The following CR1 variants were observed in gnomAD, a reference collection of about 807,000 sequenced individuals.
The protein encoded by CR1 is complement receptor type 1.
Under a neutral mutation model 187.3 loss-of-function variants are expected in CR1, and 116 were observed. The observed-to-expected ratio is 0.62, with a 90% CI of 0.53 to 0.72. CR1 has a LOEUF of 0.72. CR1 is among the 30% of genes least tolerant of loss of function. The pLI, the probability that CR1 is intolerant of heterozygous loss-of-function variation, is 0.00. For missense variants in CR1, 1,731 were observed against 2,110.7 expected, an observed-to-expected ratio of 0.82 and a Z score of 3.52; for synonymous variants, 576 against 747.1, an observed-to-expected ratio of 0.77 and a Z score of 3.73.
intron 45 of CR1, among the ~76,000 whole-genome samples, chr1:207,628,002 C>A (rs1046641856): frequency 9.2e-5 from 14 of 152,112 alleles, no homozygotes; most frequent in Non-Finnish European, 1.5e-4. Flanking sequence ...AAAGGTCTCA[C>A]CTTTGAGATC....
At chr1:207,575,781 C>G in intron 28 of CR1, 101 bp downstream of exon 28, 1 of 1,558,924 alleles carries the variant, frequency 6.4e-7, no homozygotes, top group African/African-American at 1.4e-5. Context: ...GAAATGGTAT[C>G]CTTCTGATAT....
In CR1 at chr1:207,609,424, G is replaced by A. The variant is rs41274768; in HGVS notation, c.6031G>A (p.Val2011Met). The A allele has an allele frequency of 0.026, 41,527 of 1,613,970 alleles. 726 individuals carry two copies. Among genetic ancestry groups the A allele is most frequent in the Admixed American group, 0.042 (2,512 of 60,006 alleles). ...AGATGGAGAACAGCTGTTTGAGCTTGTGGGAGAACGGTCAATATATTGCAC... is the reference window on the plus strand; with the variant it reads ...AGATGGAGAACAGCTGTTTGAGCTTATGGGAGAACGGTCAATATATTGCAC... ...GPDGEQLFEL[V>M]GERSIYCTSK... Residue 2011 changes from valine to methionine, a missense_variant, in exon 37 of 47, where the codon GTG (valine) becomes ATG (methionine). Val to Met is a conservative substitution (Grantham distance 21, BLOSUM62 1). Around this residue, in one of 5 missense-constraint regions of CR1, gnomAD observed 1,312 missense variants for 1,379.6 expected, o/e 0.95. Coordinates refer to ENST00000367049, the MANE Select transcript of CR1 (RefSeq NM_000651.6).
chr1:207,617,497 A>G (rs1362507969), intron 41 of CR1, among the ~76,000 whole-genome samples: 1 of 58,372 alleles, frequency 1.7e-5, no homozygotes, highest in Non-Finnish European at 3.5e-5. Context: ...ATATATATAT[A>G]TATATATATA....
intron 46 of CR1, 21 bp downstream of exon 46, chr1:207,630,642 T>A (rs1219326805): frequency 6.7e-7 from 1 of 1,485,344 alleles, no homozygotes; most frequent in Non-Finnish European, 9.1e-7. Flanking sequence ...ACATACTGAA[T>A]TCAAAATGTT....
At chr1:207,519,948 G>A (rs1268448253) in intron 4 of CR1, among the ~76,000 whole-genome samples, 1 of 152,208 alleles carries the variant, frequency 6.6e-6, no homozygotes, top group Non-Finnish European at 1.5e-5. Flanking sequence ...ACTTGTTATA[G>A]TTTGCAGTTT....
intron 35 of CR1, among the ~76,000 whole-genome samples, chr1:207,601,935 T>C (rs893421156): frequency 3.9e-5 from 6 of 152,166 alleles, no homozygotes; most frequent in African/African-American, 1.4e-4. Flanking sequence ...CCTCACTACA[T>C]GGGCTTCTCC....
intron 35 of CR1, among the ~76,000 whole-genome samples, chr1:207,592,504 T>A (rs608282): frequency 0.4 from 60,609 of 152,026 alleles, 16,521 homozygotes; most frequent in African/African-American, 0.77. Flanking sequence ...AATGGGCAAA[T>A]GCTGGAAGCA....
intron 46 of CR1, among the ~76,000 whole-genome samples, chr1:207,632,797 C>CAAAAAAAAAAAAAAAAAAAAAAAAA (rs55649027): frequency 1.9e-5 from 2 of 107,658 alleles, no homozygotes; most frequent in African/African-American, 8.9e-5. Flanking sequence ...GACTCCGTCT[C>CAAAAAAAAAAAAAAAAAAAAAAAAA]AAAAAAAAAA....
chr1:207,594,265 AT>A (rs562032594), intron 35 of CR1, among the ~76,000 whole-genome samples: 167 of 152,342 alleles, frequency 1.1e-3, no homozygotes, highest in African/African-American at 3.9e-3. Context: ...ATGGAATACT[AT>A]GCAGCCATAA....
chr1:207,592,536 A>G (rs191382106), intron 35 of CR1, among the ~76,000 whole-genome samples: 22 of 152,354 alleles, frequency 1.4e-4, no homozygotes, highest in African/African-American at 5.3e-4. Flanking sequence ...AACCAGCACA[A>G]GACAAGGATG....
rs1660804600 is a variant in CR1, at chr1:207,577,842, A to G, written c.4575A>G (p.Gly1525=). 6.2e-7 allele frequency: 1 copy of G among 1,613,770 alleles called. No individual in the cohort carries two copies. The highest frequency in any genetic ancestry group is 1.7e-5 in the Admixed American group (1 of 60,008). ...GGCTACCCCCAACCATCGCCAATGG[A>G]GATTTCATTAGCACCAACAGAGAGA... is the stretch of plus-strand genomic sequence containing the variant. The part of the protein sequence containing the change: ...PCGLPPTIAN[G]DFISTNRENF... The change falls in exon 29 of 47, where the codon GGA becomes GGG. Residue 1525 remains glycine (G), a synonymous_variant. Transcript: ENST00000367049.
chr1:207,564,346 C>CT (rs2102322325), intron 23 of CR1, 112 bp downstream of exon 23: 1 of 1,416,098 alleles, frequency 7.1e-7, no homozygotes, highest in African/African-American at 1.7e-5. Context: ...ACACACACAC[C>CT]TTCAGAGAGA....
At chr1:207,595,137 C>T (rs1661390683) in intron 35 of CR1, among the ~76,000 whole-genome samples, 1 of 147,694 alleles carries the variant, frequency 6.8e-6, no homozygotes, top group African/African-American at 2.5e-5. Context: ...GCCCCCAACC[C>T]CCGGAAAAAA....
intron 32 of CR1, among the ~76,000 whole-genome samples, chr1:207,582,712 G>A (rs1470356138): frequency 6.6e-6 from 1 of 152,194 alleles, no homozygotes; most frequent in Non-Finnish European, 1.5e-5. Flanking sequence ...AGGTGATGAT[G>A]AGAAGTGATC....
intron 46 of CR1, among the ~76,000 whole-genome samples, chr1:207,634,604 A>T (rs10779337): frequency 5.3e-5 from 8 of 151,402 alleles, no homozygotes; most frequent in African/African-American, 1.5e-4. Flanking sequence ...ATCTGGTGGC[A>T]GTAATAACCG....
intron 46 of CR1, 106 bp from the exon 47 acceptor site, chr1:207,639,291 G>A (rs573538849): frequency 9.7e-7 from 1 of 1,026,724 alleles, no homozygotes. Context: ...TCCTGTTATT[G>A]TGGAATAAAG....
At chr1:207,636,922 T>C (rs1422525398) in intron 46 of CR1, among the ~76,000 whole-genome samples, 3 of 152,246 alleles carry the variant, frequency 2.0e-5, no homozygotes, top group Non-Finnish European at 4.4e-5. Flanking sequence ...GCTTATAGTT[T>C]GAGAGTCTGG....
intron 34 of CR1, among the ~76,000 whole-genome samples, 199 bp downstream of exon 34, chr1:207,587,764 G>A (rs965369040): frequency 1.3e-5 from 2 of 152,170 alleles, no homozygotes; most frequent in Admixed American, 6.5e-5. Context: ...CAACGTAGGT[G>A]GGATTTGATT....
Position 207,587,459 on chromosome 1 carries a change from C to A in CR1, c.5604C>A (p.Val1868=). The change falls in exon 34 of 47, where the codon GTC becomes GTA. Residue 1868 remains valine (V), a synonymous_variant. Transcript: ENST00000367049. ...CAATTAATGACTTTGAGTTTCCAGT[C>A]GGGACATCTTTGAATTATGAATGCC... ...TIPINDFEFP[V]GTSLNYECRP... 5 of 1,613,896 alleles carry A rather than the reference C, an allele frequency of 3.1e-6. No individual in the cohort carries two copies. Among genetic ancestry groups the A allele is most frequent in the South Asian group, 1.1e-5 (1 of 91,064 alleles).
Sources: allele counts gnomAD v4.1 joint callset (sites outside exome capture counted in the v4.1 genomes callset), GRCh38; gene constraint gnomAD v4.1.1; regional missense constraint gnomAD v4.1.1; transcripts MANE v1.5; gene names NCBI Gene and HGNC (gene_info 2026-07-23, HGNC 2026-07-21).